The following UPK1B variants were observed in gnomAD, a reference collection of about 807,000 sequenced individuals.
UPK1B encodes uroplakin 1B, also known as uroplakin-1b.
UPK1B carries 28 observed loss-of-function variants against 34.2 expected under a neutral mutation model. That is an observed-to-expected ratio of 0.82 (90% confidence interval 0.61 to 1.12). The LOEUF (loss-of-function observed/expected upper bound fraction) is 1.12, where lower values mean the gene tolerates loss of function less well. Ranked by LOEUF, UPK1B falls within the 50% of genes most tolerant of loss-of-function variation. UPK1B has a pLI of 0.00. For synonymous variants in UPK1B, 81 were observed against 110.4 expected (o/e 0.73, Z 1.67); for missense variants, 325 against 320.9 (o/e 1.01, Z -0.10).
chr3:119,193,196 T>C (rs2078051635), intron 5 of UPK1B, among the ~76,000 whole-genome samples: 1 of 152,232 alleles, frequency 6.6e-6, no homozygotes, highest in South Asian at 2.1e-4. Flanking sequence ...AGCTCAATTT[T>C]GGACCCTTAA....
chr3:119,202,986 C>T (rs1190236864), intron 7 of UPK1B, among the ~76,000 whole-genome samples: 1 of 152,022 alleles, frequency 6.6e-6, no homozygotes, highest in Non-Finnish European at 1.5e-5. Context: ...TGCTTTGGAG[C>T]AGGATGGATT....
intron 1 of UPK1B, among the ~76,000 whole-genome samples, chr3:119,179,990 G>T (rs578213158): frequency 6.6e-6 from 1 of 151,796 alleles, no homozygotes; most frequent in East Asian, 1.9e-4. Context: ...TAGAGACGAG[G>T]TTTCTCCGTG....
At position 119,187,824 on chromosome 3, in the gene UPK1B, A is replaced by G; in HGVS notation, c.119A>G (p.Gln40Arg). The change falls in exon 3 of 8, where the codon CAA becomes CGA. Residue 40 changes from glutamine (Q) to arginine (R), a missense_variant. Physicochemically the swap from Gln to Arg is conservative, Grantham distance 43. Transcript: ENST00000264234. Reference sequence around the variant, plus strand: ...GAGTGCATCTTCTTTGTATCTGACCAACACAGCCTCTACCCACTGCTTGAA... The same window carrying G: ...GAGTGCATCTTCTTTGTATCTGACCGACACAGCCTCTACCCACTGCTTGAA... The part of the protein sequence containing the change: ...TAECIFFVSD[Q>R]HSLYPLLEAT... The G allele has an allele frequency of 6.2e-7, 1 of 1,613,374 alleles. No individual in the cohort carries two copies.
chr3:119,190,327 C>T lies in UPK1B; in HGVS notation c.345+8C>T, dbSNP rs771414466. On this transcript the variant is annotated splice_region_variant and intron_variant, in intron 4 of 7. Transcript: ENST00000264234. The stretch of plus-strand genomic sequence containing the variant: ...GCAACACAACAAGACTTTGTGAGTA[C>T]AACCTCAAAAAGCAAAATAATATGA... 2.4e-5 allele frequency: 39 copies of T among 1,603,964 alleles called. No homozygotes were observed. The East Asian group carries it at 8.3e-4, about 34-fold the overall frequency.
intron 6 of UPK1B, among the ~76,000 whole-genome samples, chr3:119,197,227 G>T (rs1171522681): frequency 6.6e-6 from 1 of 152,120 alleles, no homozygotes; most frequent in Non-Finnish European, 1.5e-5. Flanking sequence ...CTATGTTATG[G>T]TTTATGTGAC....
At chr3:119,180,259 C>A (rs1266918272) in intron 1 of UPK1B, among the ~76,000 whole-genome samples, 1 of 152,226 alleles carries the variant, frequency 6.6e-6, no homozygotes, top group Non-Finnish European at 1.5e-5. Context: ...AGGAGGCCAG[C>A]CACGTTATGG....
At chr3:119,174,579 C>T (rs1006297617) in intron 1 of UPK1B, among the ~76,000 whole-genome samples, 2 of 151,922 alleles carry the variant, frequency 1.3e-5, no homozygotes, top group Admixed American at 6.6e-5. Context: ...GATCCTGTCT[C>T]TAAAAAAAAT....
intron 4 of UPK1B, 41 bp from the exon 5 acceptor site, chr3:119,190,941 C>T (rs760342489): frequency 8.1e-6 from 13 of 1,604,536 alleles, no homozygotes; most frequent in East Asian, 2.2e-5. Context: ...TGAAAATTAG[C>T]GTGCTATCTC....
chr3:119,198,987 G>C (rs940558464), intron 6 of UPK1B, 70 bp from the exon 7 acceptor site: 2 of 1,557,216 alleles, frequency 1.3e-6, no homozygotes, highest in Admixed American at 3.4e-5. Flanking sequence ...ATAGGAACCT[G>C]CTTTCCCATC....
chr3:119,179,360 T>G (rs1259329407), intron 1 of UPK1B, among the ~76,000 whole-genome samples: 21 of 29,772 alleles, frequency 7.1e-4, no homozygotes, highest in African/African-American at 3.1e-3. Context: ...GAGATATATA[T>G]ATATATATAT....
intron 1 of UPK1B, among the ~76,000 whole-genome samples, chr3:119,175,091 G>A (rs1031971372): frequency 3.3e-5 from 4 of 121,728 alleles, no homozygotes; most frequent in African/African-American, 1.3e-4. Context: ...GCAGTGGCGT[G>A]ATCTCTGCTC....
In UPK1B at chr3:119,173,651, CT is replaced by C. The variant is rs1302047971; in HGVS notation, c.-29+16del. On this transcript the variant is annotated intron_variant, in intron 1 of 7. Transcript: ENST00000264234. The stretch of plus-strand genomic sequence containing the variant: ...AAGAGGAGGCGCTGTGAGTAGACCG[CT>C]TTCCCTCTGCAGGGAATCTCCCGGG... 6.6e-6 allele frequency: 1 copy of C among 152,240 alleles called. No homozygotes were observed. Among genetic ancestry groups the C allele is most frequent in the Non-Finnish European group, 1.5e-5 (1 of 68,052 alleles). 9.4% of individuals were successfully genotyped at this position (152,240 alleles called of 1,614,324 possible). A position where few individuals can be genotyped will look rare whatever the true frequency, so the allele number is the denominator to read the frequency against.
intron 1 of UPK1B, among the ~76,000 whole-genome samples, chr3:119,184,463 T>C (rs941122671): frequency 1.3e-5 from 2 of 150,892 alleles, no homozygotes; most frequent in Non-Finnish European, 1.5e-5. Context: ...CTCACGCCTG[T>C]AATCCCAGCA....
chr3:119,185,515 A>C (rs777580173), intron 1 of UPK1B, among the ~76,000 whole-genome samples: 10 of 150,702 alleles, frequency 6.6e-5, no homozygotes, highest in Admixed American at 6.0e-4. Context: ...TCTACTCTAC[A>C]TATCAAACCA....
chr3:119,181,033 C>A (rs562686458), intron 1 of UPK1B, among the ~76,000 whole-genome samples: 1 of 152,208 alleles, frequency 6.6e-6, no homozygotes, highest in Non-Finnish European at 1.5e-5. Flanking sequence ...TTTTCAACAT[C>A]ACTTTTGAGT....
chr3:119,198,341 G>A (rs1445549682), intron 6 of UPK1B, among the ~76,000 whole-genome samples: 1 of 152,138 alleles, frequency 6.6e-6, no homozygotes, highest in Non-Finnish European at 1.5e-5. Context: ...CAGAGCTTTG[G>A]TAGAGGCTGC....
intron 1 of UPK1B, among the ~76,000 whole-genome samples, chr3:119,182,176 T>C (rs1160113559): frequency 1.3e-5 from 2 of 152,188 alleles, no homozygotes; most frequent in African/African-American, 4.8e-5. Context: ...CATGAATTCA[T>C]CTATGGAAAA....
intron 5 of UPK1B, among the ~76,000 whole-genome samples, chr3:119,191,674 C>G (rs1032958049): frequency 1.3e-5 from 2 of 152,202 alleles, no homozygotes; most frequent in Non-Finnish European, 2.9e-5. Flanking sequence ...ACCACTCCTT[C>G]TATGAACTCT....
rs979950594 is a variant in UPK1B, at chr3:119,204,463, A to G, written c.*496A>G. On this transcript the variant is annotated 3_prime_UTR_variant, in exon 8 of 8. Transcript: ENST00000264234. ...TCTAGAGTAGCTCCCATATATGGAG[A>G]TGGGTGATTCTCTTGATGCCACCTT... 6.5e-6 allele frequency: 1 copy of G among 154,874 alleles called. No individual in the cohort carries two copies. Among genetic ancestry groups the G allele is most frequent in the Non-Finnish European group, 1.4e-5 (1 of 69,734 alleles). 9.6% of individuals were successfully genotyped at this position (154,874 alleles called of 1,614,324 possible). A position where few individuals can be genotyped will look rare whatever the true frequency, so the allele number is the denominator to read the frequency against.
Sources: gnomAD v4.1 joint callset for allele counts (sites outside exome capture counted in the v4.1 genomes callset) on GRCh38, gnomAD v4.1.1 for gene constraint, MANE v1.5 for transcripts, NCBI Gene and HGNC (gene_info 2026-07-23, HGNC 2026-07-21) for gene names.